DHX30: variants seen among roughly 807,000 people sequenced by gnomAD.
DHX30 encodes DExH-box helicase 30.
Under a neutral mutation model 116.9 loss-of-function variants are expected in DHX30, and 4 were observed. That is an observed-to-expected ratio of 0.03 (90% confidence interval 0.02 to 0.08). The LOEUF is 0.08. Among genes scored for constraint, DHX30 ranks in the 10% least tolerant of loss-of-function variants. The pLI is 1.00. For missense variants in DHX30, 871 were observed against 1,595.1 expected (o/e 0.55, Z 7.73); for synonymous variants, 697 against 651.7 (o/e 1.07, Z -1.06).
At chr3:47,833,015 G>A (rs2036934027) in intron 6 of DHX30, among the ~76,000 whole-genome samples, 1 of 149,766 alleles carries the variant, frequency 6.7e-6, no homozygotes, top group Non-Finnish European at 1.5e-5. Context: ...GAACTTCTGG[G>A]CTCCAGTTAT....
At chr3:47,839,666 T>G (rs2037277411) in intron 6 of DHX30, among the ~76,000 whole-genome samples, 1 of 151,714 alleles carries the variant, frequency 6.6e-6, no homozygotes, top group African/African-American at 2.4e-5. Context: ...GTGGGCTACA[T>G]AGGTTTTTTT....
rs746517974 is a variant in DHX30, at chr3:47,846,584, C to T, written c.1512C>T (p.Ser504=). ...ISAVSVAQRV[S]HELGPSLRRN... ...CTGTGTCTGTGGCACAGCGGGTCAG[C>T]CACGAACTGGGCCCCTCCCTGCGCC... Residue 504 remains serine, a synonymous_variant, in exon 11 of 22, where the codon AGC becomes AGT. Coordinates refer to ENST00000445061, the MANE Select transcript of DHX30 (RefSeq NM_138615.3). 3.1e-6 allele frequency: 5 copies of T among 1,614,038 alleles called. No homozygotes were observed. In the African/African-American group the frequency reaches 5.3e-5, roughly 17 times the overall value.
intron 6 of DHX30, among the ~76,000 whole-genome samples, chr3:47,832,695 G>T (rs919989177): frequency 6.6e-6 from 1 of 150,468 alleles, no homozygotes; most frequent in Non-Finnish European, 1.5e-5. Flanking sequence ...GGAGTACAGT[G>T]GCGCAGTCTC....
Position 47,847,981 on chromosome 3 carries a change from C to G in DHX30, c.2286+25C>G. 6.2e-7 allele frequency: 1 copy of G among 1,610,296 alleles called. No individual in the cohort carries two copies. Among genetic ancestry groups the G allele is most frequent in the Non-Finnish European group, 8.5e-7 (1 of 1,177,018 alleles). ...GGTGGCACCTACCTCCTGGGCCCGGCCAACCACTGGGGGAGGGACTCCGTT... is the reference window on the plus strand; with the variant it reads ...GGTGGCACCTACCTCCTGGGCCCGGGCAACCACTGGGGGAGGGACTCCGTT... On this transcript the variant is annotated intron_variant, in intron 14 of 21. Transcript: ENST00000445061. The surrounding 1 kb of genome is among the most constrained non-coding windows in gnomAD (Gnocchi z 5.5).
chr3:47,843,052 A>G lies in DHX30; in HGVS notation c.790-54A>G, dbSNP rs2037452589. ...TCCTTGGCATTCTGAGAATGCCCCA[A>G]GTCTCTTCCCATTCCCTACATTTCT... is the stretch of plus-strand genomic sequence containing the variant. On this transcript the variant is annotated intron_variant, in intron 8 of 21. Coordinates refer to ENST00000445061, the MANE Select transcript of DHX30 (RefSeq NM_138615.3). The G allele has an allele frequency of 5.6e-6, 9 of 1,601,384 alleles. No individual in the cohort carries two copies. The South Asian group carries it at 8.9e-5, about 16-fold the overall frequency.
intron 3 of DHX30, among the ~76,000 whole-genome samples, chr3:47,814,207 T>C (rs1386089871): frequency 6.6e-6 from 1 of 151,144 alleles, no homozygotes; most frequent in Admixed American, 6.6e-5. Flanking sequence ...GGTGGACTAC[T>C]TGACATCAGG....
Position 47,848,605 on chromosome 3 carries a change from G to C in DHX30, c.2576-19G>C, listed in dbSNP as rs754654234. The C allele has an allele frequency of 6.2e-7, 1 of 1,613,946 alleles. No homozygotes were observed. The highest frequency in any genetic ancestry group is 1.3e-5 in the African/African-American group (1 of 74,920). On this transcript the variant is annotated intron_variant, in intron 16 of 21. Transcript: ENST00000445061. This position sits in a 1 kb window ranked among gnomAD's most constrained non-coding sequence, Gnocchi z 9.4. ...GGGAGTGGCTCTCGAGGGTGGTACT[G>C]ACAGCTGAGCCGTTGCAGGGGTGCT... is the stretch of plus-strand genomic sequence containing the variant.
At chr3:47,824,362 C>G (rs549925606) in intron 4 of DHX30, among the ~76,000 whole-genome samples, 24 of 152,170 alleles carry the variant, frequency 1.6e-4, no homozygotes, top group Admixed American at 3.9e-4. Context: ...TGGCAGTTTC[C>G]AAAGCTGGGT....
At chr3:47,846,059 C>T (rs974385575) in intron 10 of DHX30, 106 bp from the exon 11 acceptor site, 22 of 1,412,574 alleles carry the variant, frequency 1.6e-5, no homozygotes, top group East Asian at 2.3e-5. Context: ...CTCTGCCCAG[C>T]GGGTTGGGCC....
At chr3:47,829,849 A>G (rs892669551) in intron 6 of DHX30, among the ~76,000 whole-genome samples, 1 of 151,014 alleles carries the variant, frequency 6.6e-6, no homozygotes, top group Admixed American at 6.6e-5. Context: ...AATTTTTTTT[A>G]ATTTTTGTTT....
chr3:47,846,085 G>T lies in DHX30; in HGVS notation c.1093-80G>T, dbSNP rs1483898604. The T allele has an allele frequency of 3.3e-6, 5 of 1,502,374 alleles. No homozygotes were observed. In the African/African-American group the frequency reaches 5.5e-5, roughly 17 times the overall value. 93.1% of individuals were successfully genotyped at this position (1,502,374 alleles called of 1,614,324 possible). A position where few individuals can be genotyped will look rare whatever the true frequency, so the allele number is the denominator to read the frequency against. ...GGGTTGGGCCACAACATCTGACCCAGGCGAATCCTGCAGAGTGGCTGGTTG... is the reference window on the plus strand; with the variant it reads ...GGGTTGGGCCACAACATCTGACCCATGCGAATCCTGCAGAGTGGCTGGTTG... On this transcript the variant is annotated intron_variant, in intron 10 of 21. Transcript: ENST00000445061.
intron 6 of DHX30, among the ~76,000 whole-genome samples, chr3:47,833,687 G>T (rs1397243170): frequency 6.7e-6 from 1 of 149,622 alleles, no homozygotes; most frequent in Non-Finnish European, 1.5e-5. Context: ...GTGAAACCCT[G>T]TCGCTACTAG....
chr3:47,823,996 C>CTTTTTTTTT (rs759550719), intron 4 of DHX30, among the ~76,000 whole-genome samples: 3 of 100,364 alleles, frequency 3.0e-5, no homozygotes, highest in Non-Finnish European at 5.9e-5. Context: ...TTTTCTTTTC[C>CTTTTTTTTT]TTTTTTTTTT....
Position 47,849,016 on chromosome 3 carries a change from A to G in DHX30, c.2866A>G (p.Ser956Gly). The change falls in exon 18 of 22, where the codon AGC becomes GGC. Residue 956 changes from serine (S) to glycine (G), a missense_variant. Ser to Gly is a moderately conservative substitution (Grantham distance 56, BLOSUM62 0). Coordinates refer to ENST00000445061, the MANE Select transcript of DHX30 (RefSeq NM_138615.3). ...WEEVLRWQDR[S>G]SRENYLEENL... ...GGAGGTGCTGCGTTGGCAGGACCGC[A>G]GCTCCCGGGAGAATTACCTGGAGGA... is the stretch of plus-strand genomic sequence containing the variant. 1 of 1,613,412 alleles carries G rather than the reference A, an allele frequency of 6.2e-7. No individual in the cohort carries two copies. Among genetic ancestry groups the G allele is most frequent in the Non-Finnish European group, 8.5e-7 (1 of 1,179,782 alleles).
chr3:47,810,703 T>G lies in DHX30; in HGVS notation c.20T>G (p.Phe7Cys), dbSNP rs1397051085. The G allele has an allele frequency of 6.2e-7, 1 of 1,614,006 alleles. No individual in the cohort carries two copies. The highest frequency in any genetic ancestry group is 8.5e-7 in the Non-Finnish European group (1 of 1,179,984). The change falls in exon 3 of 22, where the codon TTC becomes TGC. Residue 7 changes from phenylalanine (F) to cysteine (C), a missense_variant. By Grantham distance (205) the Phe-to-Cys change is radical. Coordinates refer to ENST00000445061, the MANE Select transcript of DHX30 (RefSeq NM_138615.3). MFSLDS[F>C]RKDRAQHRQR... ...CCAGAAATGTTCAGCCTGGACTCAT[T>G]CAGAAAAGGTAAGACTGCAACTGTG...
chr3:47,809,205 G>T (rs1246446544), intron 2 of DHX30, among the ~76,000 whole-genome samples: 1 of 143,714 alleles, frequency 7.0e-6, no homozygotes, highest in Non-Finnish European at 1.5e-5. Context: ...ATTTTCATTT[G>T]GATAGAAGGT....
intron 4 of DHX30, among the ~76,000 whole-genome samples, chr3:47,825,589 G>A (rs994254637): frequency 6.6e-6 from 1 of 152,208 alleles, no homozygotes; most frequent in Admixed American, 6.5e-5. Context: ...GTGAGAAATA[G>A]CCCAAAGTAA....
chr3:47,818,260 T>C lies in DHX30; in HGVS notation c.124+143T>C, dbSNP rs2036146872. On this transcript the variant is annotated intron_variant, in intron 4 of 21. Coordinates refer to ENST00000445061, the MANE Select transcript of DHX30 (RefSeq NM_138615.3). ...GGGATTAGCAGAGCTATTGGAGCCC[T>C]GAGGGAGAAATTACTTGGAAAAGTC... The C allele has an allele frequency of 6.2e-6, 4 of 640,578 alleles. No individual in the cohort carries two copies. The East Asian group carries it at 1.0e-4, about 17-fold the overall frequency. 39.7% of individuals were successfully genotyped at this position (640,578 alleles called of 1,614,324 possible). A position where few individuals can be genotyped will look rare whatever the true frequency, so the allele number is the denominator to read the frequency against.
rs765361173 is a variant in DHX30, at chr3:47,843,114, G to A, written c.798G>A (p.Met266Ile). 2 of 1,614,166 alleles carry A rather than the reference G, an allele frequency of 1.2e-6. No individual in the cohort carries two copies. The highest frequency in any genetic ancestry group is 1.7e-6 in the Non-Finnish European group (2 of 1,180,006). ...ATSSSTAKNL[M>I]QFHTVGTKTK... ...TCTTGCCTTCCATGTAGAACCTCAT[G>A]CAGTTCCATACTGTGGGCACCAAGA... Residue 266 changes from methionine to isoleucine, a missense_variant, in exon 9 of 22, where the codon ATG (methionine) becomes ATA (isoleucine). Transcript: ENST00000445061.
Sources: allele counts gnomAD v4.1 joint callset (sites outside exome capture counted in the v4.1 genomes callset), GRCh38; gene constraint gnomAD v4.1.1; non-coding constraint Gnocchi (gnomAD v3.1); transcripts MANE v1.5; gene names NCBI Gene and HGNC (gene_info 2026-07-23, HGNC 2026-07-21).